Variants in AMMECR1 observed in about 807,000 individuals in gnomAD.
The protein encoded by AMMECR1 is nuclear protein AMMECR1.
In AMMECR1, 3 loss-of-function variants were observed where a neutral mutation model predicts 22.5. The observed-to-expected ratio is 0.13, with a 90% CI of 0.06 to 0.35. AMMECR1 has a LOEUF of 0.35. AMMECR1 is among the 10% of genes least tolerant of loss of function. AMMECR1 has a pLI of 1.00. For missense variants in AMMECR1, 235 were observed against 278.7 expected (o/e 0.84, Z 1.12); for synonymous variants, 130 against 116.7 (o/e 1.11, Z -0.74).
rs541110877 is a variant in AMMECR1, at chrX:110,400,763, G to A, written c.-148+25895C>T. ...TAATGTTTTATATTTTATGGCAAGA[G>A]TTTGTTGGATCTTTGCCCACTTGAA... On this transcript the variant is annotated intron_variant, in intron 2 of 7. Transcript: ENST00000372057. 2.9e-4 allele frequency among the ~76,000 whole-genome samples: 32 copies of A among 111,871 alleles called. No homozygotes were observed. In the South Asian group the frequency reaches 0.012, roughly 41 times the overall value.
intron 2 of AMMECR1, among the ~76,000 whole-genome samples, chrX:110,237,554 A>G (rs943094878): frequency 8.9e-6 from 1 of 111,739 alleles, no homozygotes; most frequent in Non-Finnish European, 1.9e-5. Flanking sequence ...GCACCAGCAC[A>G]CATTCTCTCA....
At chrX:110,314,987 GAAGTT>G (rs2068041503) in intron 1 of AMMECR1, among the ~76,000 whole-genome samples, 1 of 111,387 alleles carries the variant, frequency 9.0e-6, no homozygotes, top group African/African-American at 3.3e-5. Flanking sequence ...TTACGTATGA[GAAGTT>G]AAAACTGTCA....
intron 2 of AMMECR1, among the ~76,000 whole-genome samples, chrX:110,423,912 G>A (rs187034009): frequency 1.4e-3 from 154 of 112,436 alleles, no homozygotes; most frequent in South Asian, 9.7e-3. Flanking sequence ...CTCCTCTCAG[G>A]CAGATGCTAA....
At chrX:110,255,485 T>TAGGTTAAAAGC (rs2067706206) in intron 2 of AMMECR1, among the ~76,000 whole-genome samples, 1 of 111,905 alleles carries the variant, frequency 8.9e-6, no homozygotes, top group Non-Finnish European at 1.9e-5. Flanking sequence ...AAGAATGGTT[T>TAGGTTAAAAGC]AGGTTAAAAG....
intron 3 of AMMECR1, among the ~76,000 whole-genome samples, chrX:110,211,215 A>T (rs949804100): frequency 7.1e-5 from 8 of 112,688 alleles, no homozygotes; most frequent in Non-Finnish European, 1.5e-4. Context: ...AAGACGCTTG[A>T]TTACAATTTA....
chrX:110,251,736 A>G (rs912668000), intron 2 of AMMECR1, among the ~76,000 whole-genome samples: 1 of 111,882 alleles, frequency 8.9e-6, no homozygotes, highest in African/African-American at 3.2e-5. Flanking sequence ...CAGGAAATAT[A>G]GACTGATAGC....
chrX:110,297,088 C>T (rs184570738), intron 1 of AMMECR1, among the ~76,000 whole-genome samples: 13 of 111,885 alleles, frequency 1.2e-4, no homozygotes, highest in East Asian at 8.3e-4. Context: ...TGTGTGTCCA[C>T]TGAAGTATCT....
At chrX:110,394,381 A>G (rs909360768) in intron 2 of AMMECR1, among the ~76,000 whole-genome samples, 6 of 111,251 alleles carry the variant, frequency 5.4e-5, no homozygotes, top group African/African-American at 2.0e-4. Flanking sequence ...CCTCCTGAGT[A>G]GCTGTGACTA....
At chrX:110,435,138 A>C (rs1237943283) in intron 1 of AMMECR1, among the ~76,000 whole-genome samples, 6 of 83,839 alleles carry the variant, frequency 7.2e-5, no homozygotes, top group African/African-American at 2.7e-4. Flanking sequence ...GAGGGGGAAG[A>C]AGGAGGGAGT....
intron 2 of AMMECR1, among the ~76,000 whole-genome samples, chrX:110,382,785 C>T (rs772745489): frequency 1.2e-4 from 13 of 112,166 alleles, no homozygotes; most frequent in Non-Finnish European, 2.4e-4. Context: ...CATTTCCACT[C>T]ACGGGGCCAC....
intron 2 of AMMECR1, among the ~76,000 whole-genome samples, chrX:110,398,928 T>C (rs1304807497): frequency 8.9e-6 from 1 of 112,396 alleles, no homozygotes; most frequent in Non-Finnish European, 1.9e-5. Context: ...TCTAAATCTA[T>C]GTTTTTGCTC....
chrX:110,352,618 C>A (rs1342359288), intron 2 of AMMECR1, among the ~76,000 whole-genome samples: 5 of 111,384 alleles, frequency 4.5e-5, no homozygotes, highest in Admixed American at 3.8e-4. Context: ...TGATAATGTT[C>A]TAAAATTAAT....
At chrX:110,211,990 T>C (rs964817669) in intron 3 of AMMECR1, among the ~76,000 whole-genome samples, 2 of 112,223 alleles carry the variant, frequency 1.8e-5, no homozygotes, top group African/African-American at 6.5e-5. Flanking sequence ...TATTGATTAG[T>C]CTGTCAATTC....
chrX:110,408,319 A>G (rs1474617627), intron 2 of AMMECR1, among the ~76,000 whole-genome samples: 4 of 112,073 alleles, frequency 3.6e-5, no homozygotes, highest in African/African-American at 1.3e-4. Flanking sequence ...GTGGCTCTCA[A>G]CTGAGACAAT....
At chrX:110,344,075 G>T (rs182187631) in intron 2 of AMMECR1, among the ~76,000 whole-genome samples, 1,982 of 111,565 alleles carry the variant, frequency 0.018, 45 homozygotes, top group African/African-American at 0.061. Context: ...GAGGCATCAC[G>T]CTACCTGACT....
At chrX:110,392,149 T>C (rs985513852) in intron 2 of AMMECR1, among the ~76,000 whole-genome samples, 2 of 111,875 alleles carry the variant, frequency 1.8e-5, no homozygotes, top group Admixed American at 1.9e-4. Flanking sequence ...TGTCTAAAAA[T>C]GTACAGCATC....
chrX:110,372,846 G>T (rs1354133799), intron 2 of AMMECR1, among the ~76,000 whole-genome samples: 1 of 111,519 alleles, frequency 9.0e-6, no homozygotes, highest in African/African-American at 3.3e-5. Flanking sequence ...ATGGGACCAG[G>T]TATATTCCTT....
chrX:110,301,817 C>T, intron 1 of AMMECR1, among the ~76,000 whole-genome samples: 1 of 111,503 alleles, frequency 9.0e-6, no homozygotes, highest in Non-Finnish European at 1.9e-5. Context: ...TCTGCCAACC[C>T]CCTAAAATCC....
At chrX:110,323,574 C>G (rs980744269) in intron 2 of AMMECR1, among the ~76,000 whole-genome samples, 2 of 112,526 alleles carry the variant, frequency 1.8e-5, no homozygotes, top group African/African-American at 6.5e-5. Context: ...GTTGTAGCAT[C>G]TACCAGTACT....
Sources: allele counts gnomAD v4.1 joint callset (sites outside exome capture counted in the v4.1 genomes callset), GRCh38; gene constraint gnomAD v4.1.1; transcripts MANE v1.5; gene names NCBI Gene and HGNC (gene_info 2026-07-23, HGNC 2026-07-21).